DACH2: variants seen among roughly 807,000 people sequenced by gnomAD.
The protein encoded by DACH2 is dachshund homolog 2.
A neutral mutation model predicts 35.8 loss-of-function variants in DACH2; 17 were observed. The ratio of observed to expected loss-of-function variants is 0.48; its 90% CI spans 0.33 to 0.71. The LOEUF (loss-of-function observed/expected upper bound fraction) is 0.71. Ranked by LOEUF, DACH2 falls within the 30% of genes least tolerant of loss-of-function variation. The pLI, the probability that DACH2 is intolerant of heterozygous loss-of-function variation, is 0.02. For synonymous variants in DACH2, 195 were observed against 177.3 expected, an observed-to-expected ratio of 1.10 and a Z score of -0.79; for missense variants, 469 against 472.7, an observed-to-expected ratio of 0.99 and a Z score of 0.07.
At chrX:86,814,946 G>C in intron 10 of DACH2, 112 bp downstream of exon 10, 6 of 788,664 alleles carry the variant, frequency 7.6e-6, no homozygotes, top group Non-Finnish European at 1.1e-5. Context: ...AAGGGAGAGA[G>C]GGAAACACAG....
chrX:86,556,795 T>TATAGAGAG (rs1232719385), intron 3 of DACH2, among the ~76,000 whole-genome samples: 41 of 25,274 alleles, frequency 1.6e-3, no homozygotes, highest in Non-Finnish European at 2.1e-3. Flanking sequence ...TATATATATA[T>TATAGAGAG]AGAGAGAGAG....
intron 7 of DACH2, 65 bp downstream of exon 7, chrX:86,739,947 A>G: frequency 4.7e-6 from 5 of 1,054,676 alleles, no homozygotes; most frequent in Non-Finnish European, 2.5e-6. Context: ...TGTTAGGAAA[A>G]ATAGAGGAGA....
At chrX:86,651,212 A>G in intron 4 of DACH2, 45 bp downstream of exon 4, 2 of 1,169,843 alleles carry the variant, frequency 1.7e-6, no homozygotes, top group East Asian at 3.1e-5. Flanking sequence ...TTACTGTTCT[A>G]TTGTGGGGCA....
intron 11 of DACH2, chrX:86,830,600 C>T (rs1306517119): frequency 9.0e-6 from 1 of 111,426 alleles, no homozygotes; most frequent in East Asian, 2.8e-4. Context: ...TTTTCAGAAA[C>T]TGCATTTTTC....
At chrX:86,822,100 A>C (rs1393725834) in intron 11 of DACH2, among the ~76,000 whole-genome samples, 3 of 111,995 alleles carry the variant, frequency 2.7e-5, no homozygotes, top group Non-Finnish European at 5.6e-5. Context: ...GTATACCTGA[A>C]GGACATGCAA....
intron 2 of DACH2, among the ~76,000 whole-genome samples, chrX:86,451,805 T>G (rs1157887322): frequency 9.0e-6 from 1 of 111,070 alleles, no homozygotes; most frequent in East Asian, 2.8e-4. Context: ...AAAGATAATT[T>G]AGTTCCCCTC....
intron 7 of DACH2, among the ~76,000 whole-genome samples, chrX:86,759,424 C>G (rs1047880424): frequency 1.7e-4 from 19 of 111,401 alleles, no homozygotes; most frequent in Non-Finnish European, 3.0e-4. Flanking sequence ...TCTGTTTTAT[C>G]TAAGTATAGC....
chrX:86,342,445 T>C (rs1218773740), intron 1 of DACH2, among the ~76,000 whole-genome samples: 1 of 111,205 alleles, frequency 9.0e-6, no homozygotes, highest in Non-Finnish European at 1.9e-5. Context: ...GATGCTGCAA[T>C]GAGCAGTGAT....
chrX:86,270,304 GC>G (rs202184002), intron 1 of DACH2, among the ~76,000 whole-genome samples: 138 of 110,579 alleles, frequency 1.2e-3, no homozygotes, highest in African/African-American at 4.4e-3. Context: ...GAATGCTAAT[GC>G]CTTTGTTTCT....
At chrX:86,623,941 A>C (rs774234410) in intron 3 of DACH2, among the ~76,000 whole-genome samples, 1 of 100,040 alleles carries the variant, frequency 1.0e-5, no homozygotes, top group Non-Finnish European at 2.0e-5. Context: ...CCAGCTACAC[A>C]GGAGGCTGAG....
At chrX:86,382,842 C>T (rs1022502267) in intron 2 of DACH2, among the ~76,000 whole-genome samples, 20 of 111,015 alleles carry the variant, frequency 1.8e-4, no homozygotes, top group Non-Finnish European at 3.6e-4. Flanking sequence ...CATACATATA[C>T]CTAATTGTCC....
intron 1 of DACH2, among the ~76,000 whole-genome samples, chrX:86,371,159 A>G (rs989718963): frequency 2.7e-5 from 3 of 110,609 alleles, no homozygotes; most frequent in Non-Finnish European, 3.8e-5. Context: ...TTTGAGTTAT[A>G]TTGACACTCT....
At chrX:86,454,577 T>C (rs1409427020) in intron 2 of DACH2, among the ~76,000 whole-genome samples, 2 of 112,429 alleles carry the variant, frequency 1.8e-5, no homozygotes, top group African/African-American at 6.5e-5. Context: ...TTGGTACTTG[T>C]GATTGCATTG....
chrX:86,640,328 C>T (rs775190226), intron 3 of DACH2, among the ~76,000 whole-genome samples: 1 of 111,153 alleles, frequency 9.0e-6, no homozygotes, highest in South Asian at 3.8e-4. Context: ...GAAGCAAAGA[C>T]CCTAAGTGCT....
intron 2 of DACH2, among the ~76,000 whole-genome samples, chrX:86,496,061 CTTA>C (rs2038165682): frequency 9.0e-6 from 1 of 110,696 alleles, no homozygotes; most frequent in South Asian, 3.7e-4. Flanking sequence ...GTGTGACGTG[CTTA>C]TTATCTTTAC....
chrX:86,201,855 G>A (rs1425672106), intron 1 of DACH2, among the ~76,000 whole-genome samples: 1 of 110,589 alleles, frequency 9.0e-6, no homozygotes, highest in African/African-American at 3.3e-5. Flanking sequence ...AGAGTCAAGT[G>A]ATGAAGGTTC....
In DACH2 at chrX:86,519,811, G is replaced by A. The variant is rs761997173; in HGVS notation, c.640+5420G>A. ...TTTTTCCTTATTAGTCTAGCTAGTG[G>A]CCTATGTATTTTATTAAATTTTTCA... On this transcript the variant is annotated intron_variant, in intron 3 of 11. Coordinates refer to ENST00000373125, the MANE Select transcript of DACH2 (RefSeq NM_053281.3). Among the ~76,000 whole-genome samples the A allele has an allele frequency of 4.4e-4, 49 of 110,125 alleles. 1 individual carries two copies. Among genetic ancestry groups the A allele is most frequent in the Non-Finnish European group, 6.6e-4 (35 of 52,680 alleles).
intron 4 of DACH2, among the ~76,000 whole-genome samples, chrX:86,694,154 C>A (rs1398185786): frequency 2.7e-5 from 3 of 111,703 alleles, no homozygotes; most frequent in Non-Finnish European, 5.6e-5. Flanking sequence ...GAACCACTGA[C>A]CCCTGAATGA....
At chrX:86,460,999 C>T (rs66868586) in intron 2 of DACH2, among the ~76,000 whole-genome samples, 4,118 of 110,975 alleles carry the variant, frequency 0.037, 81 homozygotes, top group East Asian at 0.21. Flanking sequence ...TCTAGCTCAA[C>T]GTAAAACCTA....
Sources: allele counts gnomAD v4.1 joint callset (sites outside exome capture counted in the v4.1 genomes callset), GRCh38; gene constraint gnomAD v4.1.1; transcripts MANE v1.5; gene names NCBI Gene and HGNC (gene_info 2026-07-23, HGNC 2026-07-21).